Variants in RNLS observed in about 807,000 individuals in gnomAD.
The protein encoded by RNLS is renalase, FAD dependent amine oxidase, also known as renalase.
Under a neutral mutation model 39.8 loss-of-function variants are expected in RNLS, and 39 were observed. The observed-to-expected ratio is 0.98, with a 90% confidence interval of 0.76 to 1.28. The LOEUF is 1.28. Ranked by LOEUF, RNLS falls within the 50% of genes most tolerant of loss-of-function variation. RNLS has a pLI of 0.00. For missense variants in RNLS, 410 were observed against 413.3 expected (o/e 0.99, Z 0.07); for synonymous variants, 147 against 150.7 (o/e 0.98, Z 0.18).
At chr10:88,352,961 C>A (rs1250706237) in intron 5 of RNLS, among the ~76,000 whole-genome samples, 3 of 152,192 alleles carry the variant, frequency 2.0e-5, no homozygotes, top group African/African-American at 7.2e-5. Flanking sequence ...TTATCCATTT[C>A]TTCTAGATTT....
At chr10:88,471,377 T>C (rs1843511717) in intron 4 of RNLS, among the ~76,000 whole-genome samples, 2 of 152,188 alleles carry the variant, frequency 1.3e-5, no homozygotes, top group Admixed American at 6.5e-5. Flanking sequence ...GTTATGCCCA[T>C]TTTAAGTTTT....
At chr10:88,535,443 T>C (rs1355386820) in intron 4 of RNLS, among the ~76,000 whole-genome samples, 1 of 150,026 alleles carries the variant, frequency 6.7e-6, no homozygotes, top group Non-Finnish European at 1.5e-5. Context: ...GGGGGAGGGG[T>C]TGGGGGAGGG....
intron 6 of RNLS, among the ~76,000 whole-genome samples, chr10:88,307,539 C>A (rs941245875): frequency 6.6e-6 from 1 of 152,136 alleles, no homozygotes; most frequent in Non-Finnish European, 1.5e-5. Context: ...CAACAATAGT[C>A]AAGCCAAGGG....
At chr10:88,362,876 C>T (rs1489527433) in intron 4 of RNLS, 151 bp from the exon 5 acceptor site, 2 of 666,334 alleles carry the variant, frequency 3.0e-6, no homozygotes, top group African/African-American at 3.7e-5. Flanking sequence ...TAAAATAGCA[C>T]CAGCTCTAAT....
chr10:88,547,168 T>A (rs1848358928), intron 4 of RNLS, among the ~76,000 whole-genome samples: 1 of 152,222 alleles, frequency 6.6e-6, no homozygotes, highest in Non-Finnish European at 1.5e-5. Context: ...GGTTCTGAGT[T>A]CAAGTCTTCC....
the RNLS span, among the ~76,000 whole-genome samples, chr10:88,207,175 A>G: frequency 9.2e-5 from 14 of 152,318 alleles, 1 homozygote; most frequent in South Asian, 2.9e-3. Context: ...AGAAACGAAG[A>G]TAAGTGGAAC....
rs916888996 is a variant in RNLS, at chr10:88,284,827, A to C, written c.*527T>G. On this transcript the variant is annotated 3_prime_UTR_variant, in exon 7 of 7. Coordinates refer to ENST00000331772, the MANE Select transcript of RNLS (RefSeq NM_001031709.3). ...TAAGATGATGACATATATGACCTAC[A>C]ATTCAGGATCACTTAATAACTTGGG... is the stretch of plus-strand genomic sequence containing the variant. 2.0e-6 allele frequency: 2 copies of C among 985,264 alleles called. No homozygotes were observed. The highest frequency in any genetic ancestry group is 2.4e-6 in the Non-Finnish European group (2 of 829,914). 61.0% of individuals were successfully genotyped at this position (985,264 alleles called of 1,614,324 possible). A position where few individuals can be genotyped will look rare whatever the true frequency, so the allele number is the denominator to read the frequency against.
intron 5 of RNLS, among the ~76,000 whole-genome samples, chr10:88,346,651 G>A (rs187619246): frequency 7.2e-5 from 11 of 152,264 alleles, no homozygotes; most frequent in African/African-American, 2.4e-4. Flanking sequence ...AATTCTCAAT[G>A]TTATTTCAGG....
the RNLS span, among the ~76,000 whole-genome samples, chr10:88,193,744 C>T: frequency 1.6e-4 from 24 of 152,128 alleles, no homozygotes; most frequent in African/African-American, 5.8e-4. Context: ...TTGGGGTACA[C>T]ATGATCTCCA....
intron 4 of RNLS, among the ~76,000 whole-genome samples, chr10:88,477,335 T>C (rs367622258): frequency 6.6e-6 from 1 of 152,056 alleles, no homozygotes; most frequent in Non-Finnish European, 1.5e-5. Flanking sequence ...ATAAGGATGA[T>C]GGTGAAGTTA....
At chr10:88,407,637 G>C (rs1853371131) in intron 4 of RNLS, among the ~76,000 whole-genome samples, 1 of 152,054 alleles carries the variant, frequency 6.6e-6, no homozygotes, top group African/African-American at 2.4e-5. Flanking sequence ...AGAAGTAAAA[G>C]GGTAAATAAA....
chr10:88,314,653 G>C lies in RNLS; in HGVS notation c.701-12C>G, dbSNP rs755039465. 5.6e-6 allele frequency: 9 copies of C among 1,609,012 alleles called. No individual in the cohort carries two copies. Among genetic ancestry groups the C allele is most frequent in the African/African-American group, 5.3e-5 (4 of 74,778 alleles). On this transcript the variant is annotated splice_polypyrimidine_tract_variant and intron_variant, in intron 5 of 6. Coordinates refer to ENST00000331772, the MANE Select transcript of RNLS (RefSeq NM_001031709.3). ...AATTTCTGATGACTCTGTGGCATAA[G>C]AGGATCATAAAGATGCATCTTAAAG... is the stretch of plus-strand genomic sequence containing the variant.
At chr10:88,191,986 C>T in the RNLS span, among the ~76,000 whole-genome samples, 1 of 151,722 alleles carries the variant, frequency 6.6e-6, no homozygotes, top group East Asian at 1.9e-4. Context: ...ATACCTTTGT[C>T]TCCAACTCAT....
chr10:88,377,855 C>G (rs531841600), intron 4 of RNLS, among the ~76,000 whole-genome samples: 1 of 152,110 alleles, frequency 6.6e-6, no homozygotes, highest in Non-Finnish European at 1.5e-5. Context: ...AACATTTGTA[C>G]TTTGTAAACT....
chr10:88,385,314 T>C (rs1310388445), intron 4 of RNLS, among the ~76,000 whole-genome samples: 1 of 152,222 alleles, frequency 6.6e-6, no homozygotes, highest in Non-Finnish European at 1.5e-5. Flanking sequence ...TATGAAATTA[T>C]TTGTAGTATA....
At chr10:88,434,623 T>A (rs1429688769) in intron 4 of RNLS, among the ~76,000 whole-genome samples, 1 of 152,160 alleles carries the variant, frequency 6.6e-6, no homozygotes. Flanking sequence ...GGTAATACTG[T>A]GTGGATAAAA....
the RNLS span, among the ~76,000 whole-genome samples, chr10:88,261,796 T>C: frequency 2.6e-5 from 4 of 152,270 alleles, no homozygotes; most frequent in African/African-American, 9.6e-5. Flanking sequence ...TTTCAGCAGC[T>C]CAGAATTTAA....
chr10:88,433,407 C>T (rs1335688901), intron 4 of RNLS, among the ~76,000 whole-genome samples: 1 of 152,042 alleles, frequency 6.6e-6, no homozygotes, highest in African/African-American at 2.4e-5. Context: ...CACTTGCAAG[C>T]AGTGCTACCC....
chr10:88,321,568 G>A (rs987535906), intron 5 of RNLS, among the ~76,000 whole-genome samples: 2 of 151,914 alleles, frequency 1.3e-5, no homozygotes, highest in Non-Finnish European at 2.9e-5. Context: ...CATTAACCAA[G>A]AAAAAGAATA....
Sources: allele counts gnomAD v4.1 joint callset (sites outside exome capture counted in the v4.1 genomes callset), GRCh38; gene constraint gnomAD v4.1.1; transcripts MANE v1.5; gene names NCBI Gene and HGNC (gene_info 2026-07-23, HGNC 2026-07-21).